Variants in NIPBL observed in about 807,000 individuals in gnomAD.
NIPBL encodes the protein nipped-B-like protein.
In NIPBL, 19 loss-of-function variants were observed where a neutral mutation model predicts 321.8. The observed-to-expected ratio is 0.06, with a 90% CI of 0.04 to 0.09. The LOEUF (loss-of-function observed/expected upper bound fraction) is 0.09. Among genes scored for constraint, NIPBL ranks in the 10% least tolerant of loss-of-function variants. The pLI, the probability that NIPBL is intolerant of heterozygous loss-of-function variation, is 1.00. For missense variants in NIPBL, 2,210 were observed against 3,327.0 expected, an observed-to-expected ratio of 0.66 and a Z score of 8.26; for synonymous variants, 1,106 against 1,114.1, an observed-to-expected ratio of 0.99 and a Z score of 0.14.
At chr5:36,918,309 G>C (rs1053504380) in intron 1 of NIPBL, among the ~76,000 whole-genome samples, 5 of 152,090 alleles carry the variant, frequency 3.3e-5, no homozygotes, top group Non-Finnish European at 7.4e-5. Context: ...GTTCACTCAT[G>C]ATTTGGCTCT....
chr5:36,886,048 C>A, intron 1 of NIPBL: 2 of 712,210 alleles, frequency 2.8e-6, no homozygotes, highest in South Asian at 2.8e-5. Flanking sequence ...CCACAGTGGT[C>A]ACCACTCAGT....
chr5:36,944,428 T>C (rs16903410), intron 1 of NIPBL, among the ~76,000 whole-genome samples: 3,359 of 152,212 alleles, frequency 0.022, 126 homozygotes, highest in African/African-American at 0.078. Flanking sequence ...ATTCCATGTT[T>C]TCGTACTAGA....
At chr5:36,897,107 A>G (rs563619036) in intron 1 of NIPBL, among the ~76,000 whole-genome samples, 1 of 151,578 alleles carries the variant, frequency 6.6e-6, no homozygotes, top group African/African-American at 2.4e-5. Flanking sequence ...GGTTCAGGCG[A>G]TTCTCCTGCC....
Position 36,995,727 on chromosome 5 carries a change from G to T in NIPBL, c.3227G>T (p.Arg1076Leu). 6.2e-7 allele frequency: 1 copy of T among 1,613,718 alleles called. No individual in the cohort carries two copies. The highest frequency in any genetic ancestry group is 8.5e-7 in the Non-Finnish European group (1 of 1,179,740). ...CGTGTGAAAATGAACAAACGCAAGCGTAGCACAGTTAATGAAAAGCCAAAA... is the reference window on the plus strand; with the variant it reads ...CGTGTGAAAATGAACAAACGCAAGCTTAGCACAGTTAATGAAAAGCCAAAA... The part of the protein sequence containing the change: ...CERVKMNKRK[R>L]STVNEKPKYA... Residue 1076 changes from arginine to leucine, a missense_variant, in exon 11 of 47, where the codon CGT becomes CTT. Physicochemically the swap from Arg to Leu is moderately radical, Grantham distance 102 (BLOSUM62 -2). This residue lies in a region of NIPBL where 381 missense variants were observed against 642.3 expected (regional missense o/e 0.59). Coordinates refer to ENST00000282516, the MANE Select transcript of NIPBL (RefSeq NM_133433.4).
chr5:37,007,534 A>G (rs1747583617), intron 18 of NIPBL, 60 bp downstream of exon 18: 1 of 1,181,704 alleles, frequency 8.5e-7, no homozygotes, highest in Admixed American at 1.9e-5. Context: ...GTCTAGTATA[A>G]CCTAGCTCAC....
chr5:37,006,040 A>G (rs1580450484), intron 16 of NIPBL, among the ~76,000 whole-genome samples: 1 of 152,176 alleles, frequency 6.6e-6, no homozygotes, highest in South Asian at 2.1e-4. Context: ...CACAAAATTA[A>G]TTTATATGCA....
At chr5:36,909,180 A>G (rs114736462) in intron 1 of NIPBL, among the ~76,000 whole-genome samples, 3,966 of 152,268 alleles carry the variant, frequency 0.026, 90 homozygotes, top group Non-Finnish European at 0.036. Flanking sequence ...GGAATTGAGT[A>G]CTAGAAACAC....
At chr5:36,977,426 T>C (rs773011116) in intron 9 of NIPBL, among the ~76,000 whole-genome samples, 69 of 152,054 alleles carry the variant, frequency 4.5e-4, no homozygotes, top group Middle Eastern at 3.4e-3. Context: ...ATTAGTATTA[T>C]ATTTCCTGTC....
At chr5:36,962,038 A>T in intron 5 of NIPBL, 85 bp from the exon 6 acceptor site, 1 of 1,453,174 alleles carries the variant, frequency 6.9e-7, no homozygotes, top group Non-Finnish European at 9.7e-7. Flanking sequence ...CTAAGAGATC[A>T]GAGGACTTTG....
rs528179252 is a variant in NIPBL at position 36,968,225 on chromosome 5, C to T, written c.611-2651C>T. On this transcript the variant is annotated intron_variant, in intron 6 of 46. Coordinates refer to ENST00000282516, the MANE Select transcript of NIPBL (RefSeq NM_133433.4). ...ATAATTCAGATTATGGGCCTGGGGT[C>T]CTGTGAGCCTTTTAATAGGTCTCAA... 6.6e-5 allele frequency among the ~76,000 whole-genome samples: 10 copies of T among 151,944 alleles called. No individual in the cohort carries two copies. In the South Asian group the frequency reaches 2.1e-3, roughly 32 times the overall value.
At chr5:36,927,218 T>C (rs146834341) in intron 1 of NIPBL, among the ~76,000 whole-genome samples, 1 of 152,304 alleles carries the variant, frequency 6.6e-6, no homozygotes, top group East Asian at 1.9e-4. Context: ...TTCTCACCAA[T>C]TTATATAACA....
chr5:36,902,176 C>G (rs899792575), intron 1 of NIPBL, among the ~76,000 whole-genome samples: 2 of 151,412 alleles, frequency 1.3e-5, no homozygotes, highest in African/African-American at 4.9e-5. Context: ...TTGGATGTAT[C>G]GTTTGCAAAC....
At chr5:36,878,791 G>T (rs774348901) in intron 1 of NIPBL, among the ~76,000 whole-genome samples, 5 of 152,212 alleles carry the variant, frequency 3.3e-5, no homozygotes, top group Non-Finnish European at 5.9e-5. Context: ...AATCCGTGTA[G>T]TAGTCAGTAG....
intron 1 of NIPBL, among the ~76,000 whole-genome samples, chr5:36,917,987 G>A (rs1748606810): frequency 6.6e-6 from 1 of 152,178 alleles, no homozygotes; most frequent in Non-Finnish European, 1.5e-5. Flanking sequence ...TTTTGGCTTA[G>A]GATTGTCTTG....
intron 1 of NIPBL, among the ~76,000 whole-genome samples, chr5:36,923,616 C>G (rs1160814472): frequency 6.6e-6 from 1 of 152,078 alleles, no homozygotes; most frequent in Non-Finnish European, 1.5e-5. Context: ...GATAAATACT[C>G]TTACTTTAAA....
chr5:36,961,560 C>T lies in NIPBL; in HGVS notation c.435C>T (p.Thr145=), dbSNP rs1561082537. The change falls in exon 5 of 47, where the codon ACC becomes ACT. Residue 145 remains threonine (T), a synonymous_variant. Transcript: ENST00000282516. ...CTGCATCTTCCAATTATCAACAAAC[C>T]ACTATCTCACATAGCCCCTCCAGGT... ...SSPASSNYQQ[T]TISHSPSSRF... is the part of the protein sequence containing the mutation. 1.9e-6 allele frequency: 3 copies of T among 1,602,558 alleles called. No individual in the cohort carries two copies. Among genetic ancestry groups the T allele is most frequent in the Admixed American group, 1.7e-5 (1 of 60,000 alleles).
At chr5:36,943,730 T>G (rs1739361653) in intron 1 of NIPBL, among the ~76,000 whole-genome samples, 1 of 152,124 alleles carries the variant, frequency 6.6e-6, no homozygotes, top group African/African-American at 2.4e-5. Context: ...CTGAATGAGT[T>G]CAACAGTAGA....
At chr5:36,923,336 A>C (rs76946912) in intron 1 of NIPBL, among the ~76,000 whole-genome samples, 2,235 of 152,132 alleles carry the variant, frequency 0.015, 52 homozygotes, top group African/African-American at 0.05. Context: ...ACAACAACAA[A>C]AAAATGCTGA....
At chr5:36,942,447 A>T (rs112698121) in intron 1 of NIPBL, among the ~76,000 whole-genome samples, 1 of 145,452 alleles carries the variant, frequency 6.9e-6, no homozygotes. Flanking sequence ...AAAAAAAAAA[A>T]AAAAAAAAAA....
Sources: allele counts gnomAD v4.1 joint callset (sites outside exome capture counted in the v4.1 genomes callset), GRCh38; gene constraint gnomAD v4.1.1; regional missense constraint gnomAD v4.1.1; transcripts MANE v1.5; gene names NCBI Gene and HGNC (gene_info 2026-07-23, HGNC 2026-07-21).